The following LAMP2 variants were observed in gnomAD, a reference collection of about 807,000 sequenced individuals.
The protein encoded by LAMP2 is lysosome-associated membrane glycoprotein 2.
A neutral mutation model predicts 25.6 loss-of-function variants in LAMP2; 4 were observed. That is an observed-to-expected ratio of 0.16 (90% confidence interval 0.08 to 0.36). LAMP2 has a LOEUF of 0.36. Among genes scored for constraint, LAMP2 ranks in the 10% least tolerant of loss-of-function variants. The pLI, the probability that LAMP2 is intolerant of heterozygous loss-of-function variation, is 1.00. For missense variants in LAMP2, 272 were observed against 301.4 expected (o/e 0.90, Z 0.72); for synonymous variants, 108 against 112.7 (o/e 0.96, Z 0.27).
chrX:120,459,577 T>C (rs1921235460), intron 1 of LAMP2, among the ~76,000 whole-genome samples: 1 of 112,742 alleles, frequency 8.9e-6, no homozygotes, highest in Non-Finnish European at 1.9e-5. Flanking sequence ...ATCTGGGTTG[T>C]TGAATCCTGA....
chrX:120,442,702 A>G (rs759895877), intron 6 of LAMP2, 40 bp from the exon 7 acceptor site: 15 of 1,014,979 alleles, frequency 1.5e-5, no homozygotes, highest in South Asian at 7.6e-5. Context: ...ACATTTCACA[A>G]CTGTCTACAG....
chrX:120,469,340 G>A, upstream of LAMP2: 1 of 475,334 alleles, frequency 2.1e-6, no homozygotes, highest in Admixed American at 3.4e-5. Context: ...TAGGGGCGGG[G>A]CTCTTTCTTG....
At chrX:120,445,720 AT>A (rs1392642695) in intron 6 of LAMP2, among the ~76,000 whole-genome samples, 2 of 112,438 alleles carry the variant, frequency 1.8e-5, no homozygotes, top group African/African-American at 6.5e-5. Context: ...TAGAACAGGT[AT>A]GCTTAACCCA....
At chrX:120,460,229 C>T (rs973959138) in intron 1 of LAMP2, among the ~76,000 whole-genome samples, 11 of 108,831 alleles carry the variant, frequency 1.0e-4, no homozygotes, top group Admixed American at 2.0e-4. Context: ...GCTGAGATCG[C>T]GCCACTGCAC....
chrX:120,439,638 T>C (rs2058562922), intron 8 of LAMP2, among the ~76,000 whole-genome samples: 1 of 109,754 alleles, frequency 9.1e-6, no homozygotes, highest in South Asian at 3.7e-4. Flanking sequence ...ATATGCACAT[T>C]ATATATGATA....
chrX:120,439,836 GT>G (rs1330786101), intron 8 of LAMP2, among the ~76,000 whole-genome samples: 1 of 110,607 alleles, frequency 9.0e-6, no homozygotes, highest in Admixed American at 9.7e-5. Flanking sequence ...CCTCTCAGTG[GT>G]AGAGTGAATG....
intron 1 of LAMP2, among the ~76,000 whole-genome samples, chrX:120,468,159 T>C (rs1921620583): frequency 9.0e-6 from 1 of 111,458 alleles, no homozygotes; most frequent in Non-Finnish European, 1.9e-5. Context: ...ATAGGCTAGC[T>C]GTGTGATGGG....
At chrX:120,454,934 G>GATATAT (rs397842673) in intron 3 of LAMP2, among the ~76,000 whole-genome samples, 22,204 of 81,153 alleles carry the variant, frequency 0.27, 3,362 homozygotes, top group Middle Eastern at 0.43. Context: ...CACACACTAG[G>GATATAT]ATATATATAT....
rs1259129532 is a variant in LAMP2, at chrX:120,426,804, A to G, written c.*4519T>C. The stretch of plus-strand genomic sequence containing the variant: ...TAACAAATAAGCAGTTGTTCTCAAA[A>G]GAGAACATTTTAAAAGAAAACATTC... On this transcript the variant is annotated 3_prime_UTR_variant, in exon 9 of 9. Coordinates refer to ENST00000200639, the MANE Select transcript of LAMP2 (RefSeq NM_002294.3). Among the ~76,000 whole-genome samples the G allele has an allele frequency of 1.8e-5, 2 of 112,410 alleles. No homozygotes were observed. Among genetic ancestry groups the G allele is most frequent in the Non-Finnish European group, 3.8e-5 (2 of 53,245 alleles).
intron 8 of LAMP2, chrX:120,439,077 T>G (rs1034439480): frequency 8.3e-7 from 1 of 1,203,366 alleles, no homozygotes. Context: ...TAAATATACC[T>G]TAAGTTGACC....
At position 120,442,648 on chromosome X, in the gene LAMP2, T is replaced by A; in HGVS notation, c.879A>T (p.Arg293=). 1 of 1,207,469 alleles carries A rather than the reference T, an allele frequency of 8.3e-7. No individual in the cohort carries two copies. The highest frequency in any genetic ancestry group is 1.1e-6 in the Non-Finnish European group (1 of 891,732). ...DFVFAVKNEN[R]FYLKEVNISM... ...TGATGTTCACTTCCTTCAGATAAAA[T>A]CGGTTTTCATTTTTCTGTTTGAAAA... The change falls in exon 7 of 9, where the codon CGA becomes CGT. Residue 293 remains arginine, a synonymous_variant. Transcript: ENST00000200639.
At chrX:120,458,117 ATACT>A (rs1232873876) in intron 1 of LAMP2, among the ~76,000 whole-genome samples, 1 of 111,934 alleles carries the variant, frequency 8.9e-6, no homozygotes, top group Non-Finnish European at 1.9e-5. Context: ...GGGAGCTGTT[ATACT>A]TACTGATCCA....
At chrX:120,454,243 A>C (rs1049833357) in intron 3 of LAMP2, among the ~76,000 whole-genome samples, 3 of 106,409 alleles carry the variant, frequency 2.8e-5, no homozygotes, top group Non-Finnish European at 5.9e-5. Flanking sequence ...AAAAAAAAAA[A>C]CATAGCATTT....
At chrX:120,437,204 C>A (rs1289059091) in intron 8 of LAMP2, 1 of 745,610 alleles carries the variant, frequency 1.3e-6, no homozygotes, top group African/African-American at 2.3e-5. Flanking sequence ...AAACAAAGAA[C>A]AAATTTAAGT....
At chrX:120,462,332 G>A (rs966969496) in intron 1 of LAMP2, among the ~76,000 whole-genome samples, 2 of 109,610 alleles carry the variant, frequency 1.8e-5, no homozygotes, top group African/African-American at 6.7e-5. Flanking sequence ...ACCAGCCTGG[G>A]CAACATGGCA....
intron 1 of LAMP2, among the ~76,000 whole-genome samples, chrX:120,463,078 G>T (rs1018389417): frequency 8.9e-6 from 1 of 111,733 alleles, no homozygotes; most frequent in African/African-American, 3.3e-5. Context: ...TGAGCAAAAG[G>T]TCTTTTTAAA....
intron 8 of LAMP2, among the ~76,000 whole-genome samples, chrX:120,434,879 A>G (rs1458748440): frequency 8.9e-6 from 1 of 112,162 alleles, no homozygotes; most frequent in Non-Finnish European, 1.9e-5. Flanking sequence ...CTATAATAAC[A>G]GCAGTTCAGG....
chrX:120,459,736 C>T (rs1206260018), intron 1 of LAMP2, among the ~76,000 whole-genome samples: 2 of 112,115 alleles, frequency 1.8e-5, no homozygotes, highest in Non-Finnish European at 3.8e-5. Flanking sequence ...ATTAAGTCTA[C>T]AGCTCAAATA....
At chrX:120,459,452 C>G (rs1161562262) in intron 1 of LAMP2, among the ~76,000 whole-genome samples, 1 of 112,367 alleles carries the variant, frequency 8.9e-6, no homozygotes, top group Non-Finnish European at 1.9e-5. Flanking sequence ...AGGAATGGAA[C>G]AGGGAGGGAG....
Sources: allele counts gnomAD v4.1 joint callset (sites outside exome capture counted in the v4.1 genomes callset), GRCh38; gene constraint gnomAD v4.1.1; transcripts MANE v1.5; gene names NCBI Gene and HGNC (gene_info 2026-07-23, HGNC 2026-07-21).